Variants in PALS2 observed in about 807,000 individuals in gnomAD.
PALS2 encodes protein PALS2.
PALS2 carries 27 observed loss-of-function variants against 61.6 expected under a neutral mutation model. The observed-to-expected ratio is 0.44, with a 90% confidence interval of 0.32 to 0.60. The LOEUF is 0.60. Ranked by LOEUF, PALS2 falls within the 20% of genes least tolerant of loss-of-function variation. The pLI, the probability that PALS2 is intolerant of heterozygous loss-of-function variation, is 0.05. For missense variants in PALS2, 554 were observed against 639.4 expected (o/e 0.87, Z 1.44); for synonymous variants, 236 against 218.6 (o/e 1.08, Z -0.70).
chr7:24,607,365 G>A (rs1472070596), intron 1 of PALS2, among the ~76,000 whole-genome samples: 1 of 151,822 alleles, frequency 6.6e-6, no homozygotes, highest in Non-Finnish European at 1.5e-5. Flanking sequence ...CCTGTTTAAA[G>A]GACAGTATGA....
intron 2 of PALS2, among the ~76,000 whole-genome samples, chr7:24,638,317 A>ATTTTTT (rs1562631729): frequency 4.2e-4 from 6 of 14,244 alleles, no homozygotes; most frequent in Admixed American, 6.6e-4. Flanking sequence ...CAATTTCTGT[A>ATTTTTT]TTTTCTTTTT....
intron 1 of PALS2, among the ~76,000 whole-genome samples, chr7:24,598,553 C>T (rs1393298607): frequency 2.0e-5 from 3 of 152,064 alleles, no homozygotes; most frequent in Admixed American, 6.6e-5. Flanking sequence ...TTCTTATAAC[C>T]AGAAGTCTTT....
intron 1 of PALS2, among the ~76,000 whole-genome samples, chr7:24,601,355 TA>T (rs1198251784): frequency 6.6e-6 from 1 of 152,194 alleles, no homozygotes; most frequent in Non-Finnish European, 1.5e-5. Context: ...CACTTGGCTA[TA>T]ATTCAACCCC....
chr7:24,592,619 C>T (rs78042800), intron 1 of PALS2, among the ~76,000 whole-genome samples: 3 of 151,978 alleles, frequency 2.0e-5, no homozygotes, highest in Admixed American at 2.0e-4. Flanking sequence ...AGAGATATCA[C>T]GGGTTCAGTT....
chr7:24,650,923 T>C (rs1786114550), intron 5 of PALS2, among the ~76,000 whole-genome samples: 1 of 152,152 alleles, frequency 6.6e-6, no homozygotes, highest in Non-Finnish European at 1.5e-5. Flanking sequence ...ATTTCTTCAT[T>C]AACACCAGGA....
intron 5 of PALS2, among the ~76,000 whole-genome samples, chr7:24,659,381 G>C (rs1373033112): frequency 6.6e-6 from 1 of 152,130 alleles, no homozygotes; most frequent in East Asian, 1.9e-4. Flanking sequence ...GGGATTGCTG[G>C]GTCAAATGAT....
chr7:24,627,621 C>T (rs1029430172), intron 2 of PALS2, among the ~76,000 whole-genome samples: 1 of 151,718 alleles, frequency 6.6e-6, no homozygotes, highest in Non-Finnish European at 1.5e-5. Context: ...GACCGCTAGC[C>T]AGACTAGTAA....
chr7:24,594,129 G>A (rs1157557657), intron 1 of PALS2, among the ~76,000 whole-genome samples: 1 of 152,094 alleles, frequency 6.6e-6, no homozygotes, highest in African/African-American at 2.4e-5. Context: ...TATGTTATGA[G>A]ATGACGTCTT....
At chr7:24,589,177 A>G (rs1783187470) in intron 1 of PALS2, 1 of 152,102 alleles carries the variant, frequency 6.6e-6, no homozygotes, top group South Asian at 2.1e-4. Flanking sequence ...CACATCAATT[A>G]TATCTTCATC....
intron 11 of PALS2, among the ~76,000 whole-genome samples, chr7:24,682,906 A>T (rs1321904200): frequency 6.6e-6 from 1 of 152,150 alleles, no homozygotes; most frequent in Non-Finnish European, 1.5e-5. Flanking sequence ...GTAAACTGAT[A>T]GGTTGATCTA....
chr7:24,616,320 A>C (rs560661420), intron 1 of PALS2, among the ~76,000 whole-genome samples: 3 of 152,266 alleles, frequency 2.0e-5, no homozygotes, highest in African/African-American at 7.2e-5. Context: ...TACAAAAAAA[A>C]CTCTTAGAAA....
At chr7:24,607,499 A>G (rs1448504439) in intron 1 of PALS2, among the ~76,000 whole-genome samples, 1 of 151,574 alleles carries the variant, frequency 6.6e-6, no homozygotes, top group Non-Finnish European at 1.5e-5. Context: ...CACATGATAT[A>G]TATGTGTATA....
At chr7:24,590,134 A>G (rs1236435758) in intron 1 of PALS2, among the ~76,000 whole-genome samples, 1 of 152,192 alleles carries the variant, frequency 6.6e-6, no homozygotes. Context: ...AAGAATATTT[A>G]AGTGCGCACA....
At chr7:24,685,968 C>T (rs1788181362) in intron 11 of PALS2, among the ~76,000 whole-genome samples, 2 of 152,104 alleles carry the variant, frequency 1.3e-5, no homozygotes, top group African/African-American at 2.4e-5. Flanking sequence ...CATAACCAGT[C>T]GCCTGCTGTA....
At chr7:24,577,417 G>A (rs1782679767) in intron 1 of PALS2, among the ~76,000 whole-genome samples, 1 of 151,610 alleles carries the variant, frequency 6.6e-6, no homozygotes, top group Non-Finnish European at 1.5e-5. Context: ...ACTGATACAA[G>A]GCAAAATGAG....
At chr7:24,641,222 T>C (rs1785535997) in intron 2 of PALS2, among the ~76,000 whole-genome samples, 2 of 152,154 alleles carry the variant, frequency 1.3e-5, no homozygotes, top group African/African-American at 2.4e-5. Flanking sequence ...ATTTTCAACA[T>C]TGGAAGATAG....
chr7:24,588,754 A>G (rs779455833), intron 1 of PALS2, among the ~76,000 whole-genome samples: 1 of 152,246 alleles, frequency 6.6e-6, no homozygotes, highest in African/African-American at 2.4e-5. Context: ...CTGAAATTCT[A>G]GAATGAAACA....
In PALS2 at chr7:24,687,665, A is replaced by G. The variant is rs377746590; in HGVS notation, c.*51A>G. On this transcript the variant is annotated 3_prime_UTR_variant, in exon 12 of 12. Transcript: ENST00000222644. The surrounding 1 kb of genome is among the most constrained non-coding windows in gnomAD (Gnocchi z 4.5). Reference sequence around the variant, plus strand: ...ATTAAACTCTTAAAAAGTGACTGCAACAAATAAACCTTCTACTGAGAAAAT... The same window carrying G: ...ATTAAACTCTTAAAAAGTGACTGCAGCAAATAAACCTTCTACTGAGAAAAT... 7.3e-6 allele frequency: 11 copies of G among 1,510,564 alleles called. No individual in the cohort carries two copies. Among genetic ancestry groups the G allele is most frequent in the Non-Finnish European group, 8.0e-6 (9 of 1,122,176 alleles). The allele number at this position is 1,510,564 out of a possible 1,614,324, so 93.6% of individuals were successfully genotyped here.
chr7:24,667,857 G>A (rs560916546), intron 8 of PALS2, among the ~76,000 whole-genome samples: 5 of 151,720 alleles, frequency 3.3e-5, no homozygotes, highest in African/African-American at 1.2e-4. Context: ...TAGTAGAGAC[G>A]AGGTTTCACC....
Sources: gnomAD v4.1 joint callset for allele counts (sites outside exome capture counted in the v4.1 genomes callset) on GRCh38, gnomAD v4.1.1 for gene constraint, Gnocchi (gnomAD v3.1) non-coding constraint, MANE v1.5 for transcripts, NCBI Gene and HGNC (gene_info 2026-07-23, HGNC 2026-07-21) for gene names.